CXCR4: variants seen among roughly 807,000 people sequenced by gnomAD.
CXCR4 encodes C-X-C chemokine receptor type 4.
A neutral mutation model predicts 22.4 loss-of-function variants in CXCR4; 6 were observed. The observed-to-expected ratio is 0.27, with a 90% CI of 0.15 to 0.53. The LOEUF is 0.53. Among genes scored for constraint, CXCR4 ranks in the 20% least tolerant of loss-of-function variants. The pLI, the probability that CXCR4 is intolerant of heterozygous loss-of-function variation, is 0.96. For synonymous variants in CXCR4, 155 were observed against 171.7 expected (o/e 0.90, Z 0.76); for missense variants, 300 against 430.4 (o/e 0.70, Z 2.68).
At chr2:136,116,863 G>C (rs970831687) in intron 1 of CXCR4, among the ~76,000 whole-genome samples, 1 of 152,260 alleles carries the variant, frequency 6.6e-6, no homozygotes, top group African/African-American at 2.4e-5. Flanking sequence ...GTCCAGCCCC[G>C]GGCCGCCGCG....
intron 1 of CXCR4, 124 bp from the exon 2 acceptor site, chr2:136,116,036 G>A: frequency 6.4e-7 from 1 of 1,569,258 alleles, no homozygotes; most frequent in Non-Finnish European, 8.6e-7. Flanking sequence ...AAATTCTGAA[G>A]TAGTGGGCTA....
At chr2:136,117,887 C>CCCCCCCCCAAA in intron 1 of CXCR4, 159 bp downstream of exon 1, 1 of 222,946 alleles carries the variant, frequency 4.5e-6, no homozygotes, top group Non-Finnish European at 9.1e-6. Flanking sequence ...CACCCACCCG[C>CCCCCCCCCAAA]ACTATATAGG....
chr2:136,117,927 C>G (rs1684963257), intron 1 of CXCR4, 119 bp downstream of exon 1: 2 of 682,876 alleles, frequency 2.9e-6, no homozygotes, highest in East Asian at 5.9e-5. Context: ...TTCGGTGACC[C>G]TTTTTTGGAG....
At chr2:136,117,426 G>A (rs1401355822) in intron 1 of CXCR4, 1 of 152,480 alleles carries the variant, frequency 6.6e-6, no homozygotes. Context: ...GATCCCCTCA[G>A]AGGATCGGCG....
chr2:136,117,701 G>C (rs533757205), intron 1 of CXCR4: 1 of 229,400 alleles, frequency 4.4e-6, no homozygotes, highest in South Asian at 7.0e-5. Context: ...GAGTCCCGAG[G>C]CAGCGCGCAC....
intron 1 of CXCR4, among the ~76,000 whole-genome samples, chr2:136,117,284 C>A (rs1426840250): frequency 6.6e-6 from 1 of 152,130 alleles, no homozygotes; most frequent in Non-Finnish European, 1.5e-5. Context: ...GACCTCTGCA[C>A]GACCCCAAAC....
In CXCR4 at chr2:136,115,899, T is replaced by C; in HGVS notation, c.29A>G (p.Asp10Gly). 6.2e-7 allele frequency: 1 copy of C among 1,614,212 alleles called. No homozygotes were observed. Among genetic ancestry groups the C allele is most frequent in the Non-Finnish European group, 8.5e-7 (1 of 1,180,030 alleles). Residue 10 changes from aspartate to glycine, a missense_variant, in exon 2 of 2, where the codon GAT becomes GGT. Physicochemically the swap from Asp to Gly is moderately conservative, Grantham distance 94. Transcript: ENST00000241393. This position sits in a 1 kb window ranked among gnomAD's most constrained non-coding sequence, Gnocchi z 6.4. MEGISIYTS[D>G]NYTEEMGSGD... ...TGAGCCCATTTCCTCGGTGTAGTTA[T>C]CTGAAGTGTATATCTGCAAAAGAGG...
chr2:136,116,172 G>A (rs1573615168), intron 1 of CXCR4: 2 of 1,380,700 alleles, frequency 1.4e-6, no homozygotes, highest in East Asian at 5.9e-5. Flanking sequence ...AAAGGGCACT[G>A]AGACGCTGAG....
At position 136,115,991 on chromosome 2, in the gene CXCR4, A is replaced by G. The variant is rs537049589; in HGVS notation, c.16-79T>C. 18 of 1,611,178 alleles carry G rather than the reference A, an allele frequency of 1.1e-5. No homozygotes were observed. The African/African-American group carries it at 1.5e-4, about 13-fold the overall frequency. On this transcript the variant is annotated intron_variant, in intron 1 of 1. Transcript: ENST00000241393. The surrounding 1 kb of genome is among the most constrained non-coding windows in gnomAD (Gnocchi z 6.4). ...CCAGTTAAAAAAAATTTTTAAAGCA[A>G]TTTAAAAAACCAATTCAGGCTTGCT...
rs757416006 is a variant in CXCR4, at chr2:136,115,310, A to G, written c.618T>C (p.Val206=). 2.5e-6 allele frequency: 4 copies of G among 1,614,194 alleles called. No homozygotes were observed. The Admixed American group carries it at 6.7e-5, about 27-fold the overall frequency. The part of the protein sequence containing the change: ...VVVFQFQHIM[V]GLILPGIVIL... The stretch of plus-strand genomic sequence containing the variant: ...TGACAATACCAGGCAGGATAAGGCC[A>G]ACCATGATGTGCTGAAACTGGAACA... Residue 206 remains valine, a synonymous_variant, in exon 2 of 2, where the codon GTT becomes GTC. Transcript: ENST00000241393. This position sits in a 1 kb window ranked among gnomAD's most constrained non-coding sequence, Gnocchi z 6.4.
At chr2:136,116,734 A>G (rs993451713) in intron 1 of CXCR4, among the ~76,000 whole-genome samples, 27 of 152,204 alleles carry the variant, frequency 1.8e-4, no homozygotes, top group African/African-American at 6.3e-4. Context: ...TCCTCGCCCC[A>G]AGTTTCATTT....
rs1684844388 is a variant in CXCR4, at chr2:136,115,023, T to C, written c.905A>G (p.Tyr302Cys). 6 of 1,614,060 alleles carry C rather than the reference T, an allele frequency of 3.7e-6. No individual in the cohort carries two copies. Among genetic ancestry groups the C allele is most frequent in the Non-Finnish European group, 5.1e-6 (6 of 1,179,992 alleles). ...FFHCCLNPIL[Y>C]AFLGAKFKTS... is the part of the protein sequence containing the mutation. ...TTTAAATTTGGCTCCAAGGAAAGCA[T>C]AGAGGATGGGGTTCAGACAACAGTG... The change falls in exon 2 of 2, where the codon TAT (tyrosine) becomes TGT (cysteine). Residue 302 changes from tyrosine to cysteine, a missense_variant. Transcript: ENST00000241393. The surrounding 1 kb of genome is among the most constrained non-coding windows in gnomAD (Gnocchi z 6.4).
Position 136,115,085 on chromosome 2 carries a change from G to A in CXCR4, c.843C>T (p.His281=), listed in dbSNP as rs980319409. 16 of 1,614,088 alleles carry A rather than the reference G, an allele frequency of 9.9e-6. No individual in the cohort carries two copies. The highest frequency in any genetic ancestry group is 1.6e-4 in the Middle Eastern group (1 of 6,084). The change falls in exon 2 of 2, where the codon CAC becomes CAT. Residue 281 remains histidine, a synonymous_variant. Coordinates refer to ENST00000241393, the MANE Select transcript of CXCR4 (RefSeq NM_003467.3). The surrounding 1 kb of genome is among the most constrained non-coding windows in gnomAD (Gnocchi z 6.4). ...GGGCCTCGGTGATGGAAATCCACTT[G>A]TGCACAGTGTTCTCAAACTCACACC... The part of the protein sequence containing the change: ...KQGCEFENTV[H]KWISITEALA...
At position 136,114,351 on chromosome 2, in the gene CXCR4, A is replaced by G. The variant is rs1684824693; in HGVS notation, c.*518T>C. On this transcript the variant is annotated 3_prime_UTR_variant, in exon 2 of 2. Transcript: ENST00000241393. ...AGAAATCAGAACATAACACTAAGTA[A>G]GTTTAACATGTACTTTTATTAACAA... The G allele has an allele frequency of 9.6e-6, 2 of 208,432 alleles. No homozygotes were observed. The highest frequency in any genetic ancestry group is 2.0e-5 in the Non-Finnish European group (2 of 102,138). 12.9% of individuals were successfully genotyped at this position (208,432 alleles called of 1,614,324 possible).
At chr2:136,117,751 CA>C (rs762509093) in intron 1 of CXCR4, 6 of 416,166 alleles carry the variant, frequency 1.4e-5, no homozygotes, top group Non-Finnish European at 2.6e-5. Context: ...CTTACGTTTG[CA>C]AACAGCGTGC....
chr2:136,117,964 C>T, intron 1 of CXCR4, 82 bp downstream of exon 1: 1 of 1,447,806 alleles, frequency 6.9e-7, no homozygotes, highest in Non-Finnish European at 9.6e-7. Context: ...GTCCTGGCCG[C>T]TTCTGCCCGC....
rs915252768 is a variant in CXCR4 at position 136,117,350 on chromosome 2, G to T, written c.15+696C>A. ...GGGGAAGAGGCGCGCTTCGGACGGCGGGAAGGTTTTCCCCCTCAAACCCAA... is the reference window on the plus strand; with the variant it reads ...GGGGAAGAGGCGCGCTTCGGACGGCTGGAAGGTTTTCCCCCTCAAACCCAA... On this transcript the variant is annotated intron_variant, in intron 1 of 1. Transcript: ENST00000241393. 0.016 allele frequency among the ~76,000 whole-genome samples: 3 copies of T among 184 alleles called. No individual in the cohort carries two copies. In the South Asian group the frequency reaches 0.3, roughly 18 times the overall value. 0.1% of individuals were successfully genotyped at this position (184 alleles called of 152,430 possible). A position where few individuals can be genotyped will look rare whatever the true frequency, so the allele number is the denominator to read the frequency against.
At position 136,114,995 on chromosome 2, in the gene CXCR4, G is replaced by A. The variant is rs1350792475; in HGVS notation, c.933C>T (p.Thr311=). 6.2e-7 allele frequency: 1 copy of A among 1,614,200 alleles called. No individual in the cohort carries two copies. Among genetic ancestry groups the A allele is most frequent in the African/African-American group, 1.3e-5 (1 of 75,044 alleles). The change falls in exon 2 of 2, where the codon ACC becomes ACT. Residue 311 remains threonine, a synonymous_variant. Coordinates refer to ENST00000241393, the MANE Select transcript of CXCR4 (RefSeq NM_003467.3). ...LYAFLGAKFK[T]SAQHALTSVS... Reference sequence around the variant, plus strand: ...CAGAGGTGAGTGCGTGCTGGGCAGAGGTTTTAAATTTGGCTCCAAGGAAAG... The same window carrying A: ...CAGAGGTGAGTGCGTGCTGGGCAGAAGTTTTAAATTTGGCTCCAAGGAAAG...
chr2:136,116,538 T>A (rs1453054046), intron 1 of CXCR4, among the ~76,000 whole-genome samples: 1 of 152,122 alleles, frequency 6.6e-6, no homozygotes, highest in Non-Finnish European at 1.5e-5. Context: ...CGAAGGCCCT[T>A]CGGTGCTTGG....
Sources: gnomAD v4.1 joint callset for allele counts (sites outside exome capture counted in the v4.1 genomes callset) on GRCh38, gnomAD v4.1.1 for gene constraint, Gnocchi (gnomAD v3.1) non-coding constraint, MANE v1.5 for transcripts, NCBI Gene and HGNC (gene_info 2026-07-23, HGNC 2026-07-21) for gene names.